The following C1QTNF9 variants were observed in gnomAD, a reference collection of about 807,000 sequenced individuals.
C1QTNF9 encodes complement C1q and tumor necrosis factor-related protein 9A.
C1QTNF9 carries 6 observed loss-of-function variants against 10.1 expected under a neutral mutation model. The observed-to-expected ratio is 0.59, with a 90% CI of 0.32 to 1.17. The LOEUF (loss-of-function observed/expected upper bound fraction) is 1.17. C1QTNF9 is among the 50% of genes most tolerant of loss of function. C1QTNF9 has a pLI of 0.04. For synonymous variants in C1QTNF9, 98 were observed against 163.5 expected (o/e 0.60, Z 3.06); for missense variants, 201 against 418.8 (o/e 0.48, Z 4.54).
At chr13:24,315,240 CCTA>C (rs1877980757) in intron 1 of C1QTNF9, among the ~76,000 whole-genome samples, 1 of 152,224 alleles carries the variant, frequency 6.6e-6, no homozygotes, top group Non-Finnish European at 1.5e-5. Flanking sequence ...CAACCTCCAT[CCTA>C]CTTTTTCTTT....
At chr13:24,310,035 A>C (rs1202929612) in intron 1 of C1QTNF9, among the ~76,000 whole-genome samples, 1 of 151,664 alleles carries the variant, frequency 6.6e-6, no homozygotes, top group Non-Finnish European at 1.5e-5. Flanking sequence ...CTGGGATTAC[A>C]GACATGGGCC....
intron 1 of C1QTNF9, among the ~76,000 whole-genome samples, chr13:24,314,936 T>A (rs1877971594): frequency 6.8e-6 from 1 of 147,668 alleles, no homozygotes; most frequent in South Asian, 2.1e-4. Flanking sequence ...AGTGGCCTCC[T>A]AGAAAAACAA....
At chr13:24,311,105 A>G (rs1309942724) in intron 1 of C1QTNF9, among the ~76,000 whole-genome samples, 4 of 152,142 alleles carry the variant, frequency 2.6e-5, no homozygotes, top group African/African-American at 9.7e-5. Flanking sequence ...TTGGAAACCC[A>G]GGAGATATCA....
At chr13:24,307,783 A>T (rs1199840818), upstream of C1QTNF9, among the ~76,000 whole-genome samples, 1 of 152,154 alleles carries the variant, frequency 6.6e-6, no homozygotes, top group Non-Finnish European at 1.5e-5. Context: ...TGGGGAGATG[A>T]CCGTTAGGTC....
chr13:24,319,049 G>A (rs1878150913), intron 3 of C1QTNF9, among the ~76,000 whole-genome samples, 169 bp downstream of exon 3: 3 of 152,100 alleles, frequency 2.0e-5, no homozygotes, highest in Non-Finnish European at 4.4e-5. Context: ...CAGAGGGCTG[G>A]GTAGTAAATA....
At chr13:24,311,135 G>T (rs543235834) in intron 1 of C1QTNF9, among the ~76,000 whole-genome samples, 1 of 152,140 alleles carries the variant, frequency 6.6e-6, no homozygotes, top group African/African-American at 2.4e-5. Context: ...TTTCTAGCAG[G>T]TTTACATTAA....
At chr13:24,317,764 G>T (rs572330711) in intron 2 of C1QTNF9, among the ~76,000 whole-genome samples, 5 of 151,424 alleles carry the variant, frequency 3.3e-5, no homozygotes, top group South Asian at 4.2e-4. Context: ...AGAGGCCACC[G>T]CTCTAGAGAA....
chr13:24,319,450 G>A (rs1273976323), intron 3 of C1QTNF9, among the ~76,000 whole-genome samples: 2 of 152,056 alleles, frequency 1.3e-5, no homozygotes, highest in African/African-American at 2.4e-5. Context: ...GAGGTGGGAG[G>A]ATCGCTTGAG....
intron 3 of C1QTNF9, among the ~76,000 whole-genome samples, chr13:24,320,161 C>T (rs1441339770): frequency 6.6e-6 from 1 of 151,836 alleles, no homozygotes. Flanking sequence ...GAGGATGTCA[C>T]GACTAGGGTT....
At chr13:24,317,160 C>T (rs755647974) in intron 2 of C1QTNF9, among the ~76,000 whole-genome samples, 1 of 152,096 alleles carries the variant, frequency 6.6e-6, no homozygotes, top group Non-Finnish European at 1.5e-5. Flanking sequence ...GACACTGTTC[C>T]AGTCCCCAGG....
At chr13:24,310,256 C>A (rs1427225938) in intron 1 of C1QTNF9, among the ~76,000 whole-genome samples, 1 of 151,954 alleles carries the variant, frequency 6.6e-6, no homozygotes, top group African/African-American at 2.4e-5. Context: ...CGGGTTCACA[C>A]CATTCTTCTG....
intron 1 of C1QTNF9, among the ~76,000 whole-genome samples, chr13:24,313,507 G>A (rs1285235613): frequency 1.3e-5 from 2 of 152,210 alleles, no homozygotes; most frequent in Admixed American, 1.3e-4. Context: ...TTTAGCAAAG[G>A]AGGCTCGTGT....
chr13:24,317,254 A>AGTGTGT (rs10663026), intron 2 of C1QTNF9, among the ~76,000 whole-genome samples: 1,896 of 125,960 alleles, frequency 0.015, 12 homozygotes, highest in African/African-American at 0.035. Context: ...GGACCACAGT[A>AGTGTGT]GTGTGTGTGT....
chr13:24,321,575 G>A, exon 4 of C1QTNF9: 7 of 1,613,832 alleles, frequency 4.3e-6, no homozygotes, highest in Non-Finnish European at 5.9e-6. Flanking sequence ...GTCAAAAATG[G>A]AGTAAAAATA....
At chr13:24,319,937 A>C (rs1357887338) in intron 3 of C1QTNF9, among the ~76,000 whole-genome samples, 1 of 152,200 alleles carries the variant, frequency 6.6e-6, no homozygotes, top group East Asian at 1.9e-4. Flanking sequence ...TCCTGTGTGC[A>C]TATGGGGACA....
At chr13:24,311,149 T>G (rs1008371221) in intron 1 of C1QTNF9, among the ~76,000 whole-genome samples, 3 of 152,132 alleles carry the variant, frequency 2.0e-5, no homozygotes, top group African/African-American at 7.2e-5. Context: ...ACATTAAATC[T>G]TAGTTTTGGA....
intron 1 of C1QTNF9, among the ~76,000 whole-genome samples, chr13:24,312,991 C>T (rs966116025): frequency 6.6e-6 from 1 of 151,460 alleles, no homozygotes; most frequent in Non-Finnish European, 1.5e-5. Context: ...TAGTGCCAAC[C>T]TAGGTGGTGA....
At chr13:24,310,163 A>G (rs1877756816) in intron 1 of C1QTNF9, among the ~76,000 whole-genome samples, 2 of 149,036 alleles carry the variant, frequency 1.3e-5, no homozygotes, top group East Asian at 4.0e-4. Flanking sequence ...AAGTGCTGGG[A>G]TTTTTTTTGA....
intron 2 of C1QTNF9, 125 bp from the exon 3 acceptor site, chr13:24,318,693 C>A: frequency 1.6e-6 from 2 of 1,264,680 alleles, no homozygotes; most frequent in Admixed American, 1.8e-5. Flanking sequence ...GTGTGGAGGA[C>A]AGAGTGCCCG....
Sources: allele counts gnomAD v4.1 joint callset (sites outside exome capture counted in the v4.1 genomes callset), GRCh38; gene constraint gnomAD v4.1.1; transcripts MANE v1.5; gene names NCBI Gene and HGNC (gene_info 2026-07-23, HGNC 2026-07-21).